AUTS2: variants seen among roughly 807,000 people sequenced by gnomAD.
The protein encoded by AUTS2 is autism susceptibility gene 2 protein.
Under a neutral mutation model 112.4 loss-of-function variants are expected in AUTS2, and 17 were observed. The observed-to-expected ratio is 0.15, with a 90% confidence interval of 0.10 to 0.23. The LOEUF (loss-of-function observed/expected upper bound fraction) is 0.23. Ranked by LOEUF, AUTS2 falls within the 10% of genes least tolerant of loss-of-function variation. AUTS2 has a pLI of 1.00. For synonymous variants in AUTS2, 751 were observed against 702.7 expected (o/e 1.07, Z -1.09); for missense variants, 1,510 against 1,701.6 (o/e 0.89, Z 1.98).
intron 15 of AUTS2, 140 bp from the exon 16 acceptor site, chr7:70,784,802 C>T (rs934292166): frequency 5.2e-6 from 3 of 578,744 alleles, no homozygotes; most frequent in Non-Finnish European, 6.1e-6. Flanking sequence ...CTGTGTCTTG[C>T]CTGCAGGGGC....
At chr7:69,628,291 T>C (rs1794058629) in intron 1 of AUTS2, among the ~76,000 whole-genome samples, 1 of 152,190 alleles carries the variant, frequency 6.6e-6, no homozygotes, top group South Asian at 2.1e-4. Flanking sequence ...GAGAGGAAAC[T>C]TTTAAATCTT....
chr7:70,707,565 G>A (rs1809804662), intron 6 of AUTS2, among the ~76,000 whole-genome samples: 1 of 152,130 alleles, frequency 6.6e-6, no homozygotes, highest in Admixed American at 6.5e-5. Flanking sequence ...GGAAGACACT[G>A]GCAGGAACCC....
In AUTS2 at chr7:70,001,310, G is replaced by T. The variant is rs143415925; in HGVS notation, c.522+101812G>T. Among the ~76,000 whole-genome samples, 847 of 152,176 alleles carry T rather than the reference G, an allele frequency of 5.6e-3. 5 individuals carry two copies. The highest frequency in any genetic ancestry group is 0.019 in the African/African-American group (790 of 41,524). On this transcript the variant is annotated intron_variant, in intron 2 of 18. Transcript: ENST00000342771. ...CTATCTAATTTTTGTAGTTTTAGTA[G>T]AGATGGGGAATCATCATGTTGTCCA... is the stretch of plus-strand genomic sequence containing the variant.
At chr7:70,141,638 A>C (rs1251391319) in intron 4 of AUTS2, among the ~76,000 whole-genome samples, 2 of 152,166 alleles carry the variant, frequency 1.3e-5, no homozygotes, top group Non-Finnish European at 2.9e-5. Flanking sequence ...ACCAGAATCT[A>C]AGGTGCATTC....
At chr7:70,504,858 G>A (rs1274128724) in intron 5 of AUTS2, among the ~76,000 whole-genome samples, 1 of 152,184 alleles carries the variant, frequency 6.6e-6, no homozygotes, top group African/African-American at 2.4e-5. Flanking sequence ...CAGAGTTACA[G>A]TGCAGTATCC....
chr7:70,429,303 A>G (rs1180020445), intron 4 of AUTS2, among the ~76,000 whole-genome samples: 1 of 152,234 alleles, frequency 6.6e-6, no homozygotes, highest in African/African-American at 2.4e-5. Context: ...GTCCTTACCT[A>G]CATGGAGCTC....
intron 2 of AUTS2, among the ~76,000 whole-genome samples, chr7:70,059,956 A>G (rs1584655057): frequency 1.3e-5 from 2 of 152,314 alleles, no homozygotes; most frequent in East Asian, 1.9e-4. Flanking sequence ...TACTTTTTAC[A>G]GTTTAATTGT....
chr7:70,249,305 C>T (rs1052471565), intron 4 of AUTS2, among the ~76,000 whole-genome samples: 4 of 151,966 alleles, frequency 2.6e-5, no homozygotes, highest in African/African-American at 9.7e-5. Flanking sequence ...TTATTTAACC[C>T]GGTAGGTCCA....
At chr7:69,814,062 T>C (rs1249393518) in intron 1 of AUTS2, among the ~76,000 whole-genome samples, 2 of 152,196 alleles carry the variant, frequency 1.3e-5, no homozygotes. Flanking sequence ...TCAGAGTAAG[T>C]ACAATTTCAC....
chr7:70,734,132 G>A (rs548162354), intron 6 of AUTS2, among the ~76,000 whole-genome samples: 7 of 151,838 alleles, frequency 4.6e-5, no homozygotes, highest in South Asian at 2.1e-4. Flanking sequence ...CGTTGTACTC[G>A]TTTGTCCAGA....
chr7:69,816,029 A>G (rs1790746304), intron 1 of AUTS2, among the ~76,000 whole-genome samples: 1 of 152,186 alleles, frequency 6.6e-6, no homozygotes, highest in African/African-American at 2.4e-5. Context: ...GTCACCTGCT[A>G]CACAGTTTGC....
chr7:70,271,192 A>G (rs1402341203), intron 4 of AUTS2, among the ~76,000 whole-genome samples: 1 of 152,214 alleles, frequency 6.6e-6, no homozygotes, highest in African/African-American at 2.4e-5. Flanking sequence ...CTTAAAGAAG[A>G]TGAGAATTTG....
chr7:69,842,767 T>C (rs1248396380), intron 1 of AUTS2, among the ~76,000 whole-genome samples: 1 of 152,182 alleles, frequency 6.6e-6, no homozygotes, highest in East Asian at 1.9e-4. Context: ...TCTGGTCCTG[T>C]GATCTCAGCA....
intron 1 of AUTS2, among the ~76,000 whole-genome samples, chr7:69,780,347 TATAAA>T (rs769012756): frequency 1.3e-5 from 2 of 152,232 alleles, no homozygotes; most frequent in Non-Finnish European, 2.9e-5. Context: ...GCTCCAAAGT[TATAAA>T]ATAAATACTG....
At chr7:69,620,616 C>G (rs1465877739) in intron 1 of AUTS2, among the ~76,000 whole-genome samples, 2 of 152,096 alleles carry the variant, frequency 1.3e-5, no homozygotes, top group Non-Finnish European at 2.9e-5. Flanking sequence ...ATATTCCCAG[C>G]ACGTAAGGAC....
intron 2 of AUTS2, among the ~76,000 whole-genome samples, chr7:70,079,207 C>T (rs1423749382): frequency 1.3e-5 from 2 of 152,170 alleles, no homozygotes; most frequent in Admixed American, 1.3e-4. Context: ...GCAGGAACCT[C>T]ACTTTTGTGA....
At chr7:69,725,589 G>A (rs751124582) in intron 1 of AUTS2, among the ~76,000 whole-genome samples, 5 of 152,176 alleles carry the variant, frequency 3.3e-5, no homozygotes, top group Non-Finnish European at 7.4e-5. Context: ...GAAATGGTTT[G>A]CTCCTTTTGG....
At chr7:70,335,374 C>T (rs1304538789) in intron 4 of AUTS2, among the ~76,000 whole-genome samples, 2 of 152,158 alleles carry the variant, frequency 1.3e-5, no homozygotes, top group Non-Finnish European at 2.9e-5. Flanking sequence ...CTAATTAGTC[C>T]TCTCCTTCAA....
At chr7:69,676,333 A>G (rs76873005) in intron 1 of AUTS2, among the ~76,000 whole-genome samples, 2,122 of 152,340 alleles carry the variant, frequency 0.014, 26 homozygotes, top group Middle Eastern at 0.037. Context: ...GCATCTCTGA[A>G]CAAACCTTTT....
Sources: gnomAD v4.1 joint callset for allele counts (sites outside exome capture counted in the v4.1 genomes callset) on GRCh38, gnomAD v4.1.1 for gene constraint, MANE v1.5 for transcripts, NCBI Gene and HGNC (gene_info 2026-07-23, HGNC 2026-07-21) for gene names.